Variants in LTBP1 observed in about 807,000 individuals in gnomAD.
LTBP1 encodes latent-transforming growth factor beta-binding protein 1.
LTBP1 carries 129 observed loss-of-function variants against 207.6 expected under a neutral mutation model. That is an observed-to-expected ratio of 0.62 (90% CI 0.54 to 0.72). LTBP1 has a LOEUF of 0.72. Among genes scored for constraint, LTBP1 ranks in the 30% least tolerant of loss-of-function variants. The probability of loss-of-function intolerance (pLI) is 0.00; values close to 1 mark genes in which losing one functional copy is unlikely to be tolerated. For missense variants in LTBP1, 2,281 were observed against 2,217.2 expected (o/e 1.03, Z -0.58); for synonymous variants, 963 against 833.7 (o/e 1.16, Z -2.67).
rs375471662 is a variant in LTBP1 at position 32,952,877 on chromosome 2, G to A, written c.565+3932G>A. Among the ~76,000 whole-genome samples, 18 of 152,310 alleles carry A rather than the reference G, an allele frequency of 1.2e-4. No homozygotes were observed. The South Asian group carries it at 2.3e-3, about 19-fold the overall frequency. On this transcript the variant is annotated intron_variant, in intron 2 of 33. Coordinates refer to ENST00000404816, the MANE Select transcript of LTBP1 (RefSeq NM_206943.4). Reference sequence around the variant, plus strand: ...AGGGAAGAGAGATGATGGCAGATACGAATCCAAAGCGGGTGCCTGGCACAT... The same window carrying A: ...AGGGAAGAGAGATGATGGCAGATACAAATCCAAAGCGGGTGCCTGGCACAT...
rs539388280 is a variant in LTBP1 at position 33,349,155 on chromosome 2, A to G, written c.4000+1645A>G. On this transcript the variant is annotated intron_variant, in intron 26 of 33. Transcript: ENST00000404816. ...CTAAATTTAATTTTTAACTCAAAGGATATAAGTACATTTGGCCAGGTGCAG... is the reference window on the plus strand; with the variant it reads ...CTAAATTTAATTTTTAACTCAAAGGGTATAAGTACATTTGGCCAGGTGCAG... Among the ~76,000 whole-genome samples, 14 of 152,338 alleles carry G rather than the reference A, an allele frequency of 9.2e-5. No individual in the cohort carries two copies. In the South Asian group the frequency reaches 2.5e-3, roughly 27 times the overall value.
intron 2 of LTBP1, among the ~76,000 whole-genome samples, chr2:33,008,233 C>T (rs421084): frequency 0.88 from 133,117 of 151,968 alleles, 60,833 homozygotes; most frequent in East Asian, 1. Context: ...ATATGAACCA[C>T]TAATAGTATG....
intron 9 of LTBP1, among the ~76,000 whole-genome samples, chr2:33,223,660 C>G (rs2091261939): frequency 6.6e-6 from 1 of 152,192 alleles, no homozygotes; most frequent in South Asian, 2.1e-4. Context: ...AGCCTTAGCA[C>G]ATCTGTAGGA....
chr2:33,174,689 G>A (rs1034149539), intron 5 of LTBP1, among the ~76,000 whole-genome samples: 12 of 152,086 alleles, frequency 7.9e-5, no homozygotes, highest in Admixed American at 5.2e-4. Context: ...AAAAGAGCCC[G>A]CATCGCAAAG....
At chr2:33,132,106 A>G (rs2081842309) in intron 4 of LTBP1, among the ~76,000 whole-genome samples, 5 of 152,250 alleles carry the variant, frequency 3.3e-5, no homozygotes. Flanking sequence ...TGATTGTACC[A>G]GGAGCCAGAA....
intron 2 of LTBP1, among the ~76,000 whole-genome samples, chr2:32,984,229 A>G (rs1683197971): frequency 6.6e-6 from 1 of 152,182 alleles, no homozygotes; most frequent in African/African-American, 2.4e-5. Flanking sequence ...TTTCCACTTT[A>G]TTGCTAGTGA....
intron 7 of LTBP1, among the ~76,000 whole-genome samples, chr2:33,206,754 A>AG (rs59427014): frequency 8.0e-5 from 12 of 150,808 alleles, no homozygotes; most frequent in Non-Finnish European, 1.5e-4. Context: ...AAAAAAAAAA[A>AG]GAAAAATTGG....
chr2:33,235,266 G>C (rs1398654924), intron 9 of LTBP1, among the ~76,000 whole-genome samples: 1 of 152,142 alleles, frequency 6.6e-6, no homozygotes, highest in Non-Finnish European at 1.5e-5. Flanking sequence ...CTTCTCAAAA[G>C]AAGACATTTA....
intron 10 of LTBP1, among the ~76,000 whole-genome samples, chr2:33,246,218 T>C (rs1316345116): frequency 1.3e-5 from 2 of 152,282 alleles, no homozygotes; most frequent in Middle Eastern, 3.4e-3. Context: ...AGTGAGAAGA[T>C]TTATTTCTCT....
intron 3 of LTBP1, among the ~76,000 whole-genome samples, chr2:33,087,744 C>G (rs1055803697): frequency 1.3e-5 from 2 of 152,174 alleles, no homozygotes; most frequent in African/African-American, 2.4e-5. Context: ...TGGAGTTTAT[C>G]CAAGCAGAAT....
chr2:33,138,873 TTTTGA>T (rs2082368593), intron 5 of LTBP1, among the ~76,000 whole-genome samples: 1 of 121,880 alleles, frequency 8.2e-6, no homozygotes, highest in Non-Finnish European at 1.8e-5. Flanking sequence ...TTTTTTTTTT[TTTTGA>T]GACGGAGTCT....
At chr2:32,960,787 C>G (rs933076466) in intron 2 of LTBP1, among the ~76,000 whole-genome samples, 5 of 152,140 alleles carry the variant, frequency 3.3e-5, no homozygotes, top group African/African-American at 9.7e-5. Flanking sequence ...TTTAGGCCAA[C>G]AGAATGGCTA....
At chr2:32,997,436 G>C (rs1353654003) in intron 2 of LTBP1, among the ~76,000 whole-genome samples, 1 of 152,204 alleles carries the variant, frequency 6.6e-6, no homozygotes, top group African/African-American at 2.4e-5. Context: ...TTAAGCCTGG[G>C]AGTTTGAGGC....
chr2:33,322,427 A>G (rs2094369099), intron 24 of LTBP1, among the ~76,000 whole-genome samples: 1 of 152,208 alleles, frequency 6.6e-6, no homozygotes, highest in South Asian at 2.1e-4. Context: ...CTAAACTGTA[A>G]TGCTTCATAC....
At chr2:33,239,921 A>G (rs1470549132) in intron 9 of LTBP1, among the ~76,000 whole-genome samples, 1 of 151,304 alleles carries the variant, frequency 6.6e-6, no homozygotes, top group Non-Finnish European at 1.5e-5. Flanking sequence ...TAAATAAATA[A>G]ATAAATAAAT....
intron 2 of LTBP1, among the ~76,000 whole-genome samples, chr2:32,983,024 A>C (rs1435833330): frequency 3.3e-5 from 5 of 152,190 alleles, no homozygotes; most frequent in African/African-American, 1.2e-4. Flanking sequence ...ATCCACCAAC[A>C]GCTTGCACCA....
At chr2:33,217,467 A>G in intron 7 of LTBP1, 85 bp from the exon 8 acceptor site, 3 of 839,666 alleles carry the variant, frequency 3.6e-6, no homozygotes, top group Non-Finnish European at 6.1e-6. Flanking sequence ...ACTGGTTTAT[A>G]GCGTGGCTGT....
intron 3 of LTBP1, among the ~76,000 whole-genome samples, chr2:33,099,391 TGAGA>T (rs2079578484): frequency 1.3e-5 from 2 of 152,388 alleles, no homozygotes; most frequent in African/African-American, 4.8e-5. Context: ...AATAAAACCC[TGAGA>T]GATTCTCTTC....
At chr2:33,168,873 C>T (rs895607956) in intron 5 of LTBP1, among the ~76,000 whole-genome samples, 1 of 152,158 alleles carries the variant, frequency 6.6e-6, no homozygotes, top group Admixed American at 6.5e-5. Context: ...CATCCAGTCT[C>T]GCCTACCTAT....
Sources: gnomAD v4.1 joint callset for allele counts (sites outside exome capture counted in the v4.1 genomes callset) on GRCh38, gnomAD v4.1.1 for gene constraint, MANE v1.5 for transcripts, NCBI Gene and HGNC (gene_info 2026-07-23, HGNC 2026-07-21) for gene names.